Variants in MORN2 observed in about 807,000 individuals in gnomAD.
The protein encoded by MORN2 is MORN repeat containing 2, also known as MORN repeat-containing protein 2.
A neutral mutation model predicts 13.4 loss-of-function variants in MORN2; 15 were observed. The observed-to-expected ratio is 1.12, with a 90% CI of 0.75 to 1.72. The LOEUF is 1.72. Among genes scored for constraint, MORN2 ranks in the 40% most tolerant of loss-of-function variants. The pLI is 0.00. For missense variants in MORN2, 168 were observed against 134.6 expected, an observed-to-expected ratio of 1.25 and a Z score of -1.23; for synonymous variants, 46 against 43.6, an observed-to-expected ratio of 1.06 and a Z score of -0.22.
chr2:38,880,295 G>C, intron 2 of MORN2, 66 bp downstream of exon 2: 1 of 398,968 alleles, frequency 2.5e-6, no homozygotes, highest in Non-Finnish European at 4.4e-6. Flanking sequence ...AAAAAACTGA[G>C]ACTGTTAAAT....
intron 1 of MORN2, among the ~76,000 whole-genome samples, chr2:38,879,430 A>C (rs1665727727): frequency 6.6e-6 from 1 of 152,266 alleles, no homozygotes; most frequent in Non-Finnish European, 1.5e-5. Flanking sequence ...GTTTCTGTAC[A>C]ACATATTTAT....
chr2:38,881,212 C>A (rs767595739), intron 3 of MORN2, among the ~76,000 whole-genome samples: 1 of 152,138 alleles, frequency 6.6e-6, no homozygotes, highest in Non-Finnish European at 1.5e-5. Flanking sequence ...TCATGGACCC[C>A]CTGATGTTCA....
At chr2:38,881,837 G>A (rs953662882) in intron 4 of MORN2, among the ~76,000 whole-genome samples, 3 of 152,172 alleles carry the variant, frequency 2.0e-5, no homozygotes, top group African/African-American at 7.2e-5. Context: ...TTTCAGTAGG[G>A]ACGGGGTTTC....
At position 38,882,656 on chromosome 2, in the gene MORN2, T is replaced by C. The variant is rs1665804583; in HGVS notation, c.*141T>C. 1.9e-6 allele frequency: 1 copy of C among 523,970 alleles called. No homozygotes were observed. Among genetic ancestry groups the C allele is most frequent in the Admixed American group, 3.2e-5 (1 of 30,842 alleles). 32.5% of individuals were successfully genotyped at this position (523,970 alleles called of 1,614,324 possible). A position where few individuals can be genotyped will look rare whatever the true frequency, so the allele number is the denominator to read the frequency against. Reference sequence around the variant, plus strand: ...AAACCATCACCTGCTTACACCTTTTTGAACTTTATATTCATTGTCTTACAA... The same window carrying C: ...AAACCATCACCTGCTTACACCTTTTCGAACTTTATATTCATTGTCTTACAA... On this transcript the variant is annotated 3_prime_UTR_variant, in exon 5 of 5. Coordinates refer to ENST00000644631, the MANE Select transcript of MORN2 (RefSeq NM_001145450.3).
intron 1 of MORN2, among the ~76,000 whole-genome samples, chr2:38,879,882 C>G (rs543559652): frequency 6.6e-6 from 1 of 151,990 alleles, no homozygotes; most frequent in Non-Finnish European, 1.5e-5. Flanking sequence ...TTTATTTCCC[C>G]GGGACCCTAC....
chr2:38,881,329 C>A, intron 3 of MORN2, 113 bp from the exon 4 acceptor site: 1 of 895,982 alleles, frequency 1.1e-6, no homozygotes, highest in Non-Finnish European at 1.7e-6. Flanking sequence ...AAGGACAATA[C>A]AAAGTTGGTT....
At chr2:38,880,846 ATTAAC>A in intron 3 of MORN2, 140 bp downstream of exon 3, 2 of 939,418 alleles carry the variant, frequency 2.1e-6, no homozygotes, top group Non-Finnish European at 1.5e-6. Context: ...ATTAACATAT[ATTAAC>A]TTATGAGTAA....
rs560257694 is a variant in MORN2 at position 38,876,653 on chromosome 2, G to A, written c.58+543G>A. Among the ~76,000 whole-genome samples, 21 of 152,298 alleles carry A rather than the reference G, an allele frequency of 1.4e-4. 1 individual carries two copies. In the South Asian group the frequency reaches 2.5e-3, roughly 18 times the overall value. On this transcript the variant is annotated intron_variant, in intron 1 of 4. Coordinates refer to ENST00000644631, the MANE Select transcript of MORN2 (RefSeq NM_001145450.3). ...CCGATACAAAAGCATGGTTTTAATA[G>A]AACCTTAAGTACTACAGTAGGAATA...
intron 3 of MORN2, 105 bp downstream of exon 3, chr2:38,880,811 T>C (rs1225835651): frequency 2.5e-6 from 3 of 1,195,976 alleles, no homozygotes; most frequent in Admixed American, 3.1e-5. Flanking sequence ...GAGTAGACTA[T>C]ATAATAAAAA....
At chr2:38,877,289 A>ATT (rs1665663600) in intron 1 of MORN2, among the ~76,000 whole-genome samples, 1 of 149,648 alleles carries the variant, frequency 6.7e-6, no homozygotes, top group South Asian at 2.1e-4. Context: ...TAAATAAATA[A>ATT]ATTAAATTAA....
intron 4 of MORN2, among the ~76,000 whole-genome samples, chr2:38,882,051 T>C (rs1012082366): frequency 6.6e-6 from 1 of 152,200 alleles, no homozygotes; most frequent in Non-Finnish European, 1.5e-5. Context: ...TCAAACATCA[T>C]TGATAGTGAA....
intron 2 of MORN2, 76 bp from the exon 3 acceptor site, chr2:38,880,524 C>T (rs557010767): frequency 8.4e-5 from 74 of 878,992 alleles, no homozygotes; most frequent in Non-Finnish European, 1.3e-5. Context: ...CCAAAGAAAC[C>T]CATGAGGTGT....
At position 38,881,201 on chromosome 2, in the gene MORN2, A is replaced by G. The variant is rs574099518; in HGVS notation, c.217-241A>G. ...ATCTTGAGGACCCCTATTTATCTTC[A>G]TCATGGACCCCCTGATGTTCAAATG... On this transcript the variant is annotated intron_variant, in intron 3 of 4. Transcript: ENST00000644631. Among the ~76,000 whole-genome samples, 14 of 152,306 alleles carry G rather than the reference A, an allele frequency of 9.2e-5. No homozygotes were observed. The South Asian group carries it at 2.5e-3, about 27-fold the overall frequency.
At chr2:38,877,286 ATAAAT>A (rs1174192370) in intron 1 of MORN2, among the ~76,000 whole-genome samples, 143 of 93,672 alleles carry the variant, frequency 1.5e-3, no homozygotes, top group African/African-American at 4.0e-3. Flanking sequence ...AAATAAATAA[ATAAAT>A]TAAATTAAAT....
intron 4 of MORN2, among the ~76,000 whole-genome samples, 192 bp from the exon 5 acceptor site, chr2:38,882,221 T>C (rs903593565): frequency 7.9e-6 from 1 of 127,290 alleles, no homozygotes; most frequent in South Asian, 2.4e-4. Flanking sequence ...TAGTATGTGG[T>C]TTTTTTTTTT....
chr2:38,881,079 G>T (rs897899195), intron 3 of MORN2, among the ~76,000 whole-genome samples: 7 of 152,152 alleles, frequency 4.6e-5, no homozygotes, highest in Non-Finnish European at 7.4e-5. Flanking sequence ...ACCCTGGTCT[G>T]CTCAAATCCA....
Position 38,882,130 on chromosome 2 carries a change from C to A in MORN2, c.354-283C>A, listed in dbSNP as rs148392448. On this transcript the variant is annotated intron_variant, in intron 4 of 4. Coordinates refer to ENST00000644631, the MANE Select transcript of MORN2 (RefSeq NM_001145450.3). ...ATATAAACTTTTCATTTTTTTAACT[C>A]ATTGTTTTGGTTTTGTGTGAACCTA... Among the ~76,000 whole-genome samples the A allele has an allele frequency of 4.6e-5, 7 of 151,294 alleles. No individual in the cohort carries two copies. In the East Asian group the frequency reaches 1.4e-3, roughly 29 times the overall value.
At position 38,882,416 on chromosome 2, in the gene MORN2, G is replaced by A. The variant is rs1457672727; in HGVS notation, c.357G>A (p.Val119=). 1 of 1,542,162 alleles carries A rather than the reference G, an allele frequency of 6.5e-7. No homozygotes were observed. The highest frequency in any genetic ancestry group is 8.8e-7 in the Non-Finnish European group (1 of 1,139,594). Residue 119 remains valine (V), a synonymous_variant, in exon 5 of 5, where the codon GTG becomes GTA. Transcript: ENST00000644631. ...AACTTATTTTCTACTATTGCAGGGT[G>A]GAAGGTGAAGGGGAATATACTGATA...
chr2:38,880,645 G>C lies in MORN2; in HGVS notation c.155G>C (p.Gly52Ala). ...TCTTCTGGAATCTACGAGAGAAATG[G>C]AATAGGTATTCATACCACTCCTAAT... Residue 52 changes from glycine (G) to alanine (A), a missense_variant, in exon 3 of 5, where the codon GGA becomes GCA. Physicochemically the swap from Gly to Ala is moderately conservative, Grantham distance 60. Transcript: ENST00000644631. 1.9e-6 allele frequency: 3 copies of C among 1,546,318 alleles called. No individual in the cohort carries two copies. Among genetic ancestry groups the C allele is most frequent in the Non-Finnish European group, 2.6e-6 (3 of 1,145,196 alleles).
Sources: allele counts gnomAD v4.1 joint callset (sites outside exome capture counted in the v4.1 genomes callset), GRCh38; gene constraint gnomAD v4.1.1; transcripts MANE v1.5; gene names NCBI Gene and HGNC (gene_info 2026-07-23, HGNC 2026-07-21).